MAPK3: variants seen among roughly 807,000 people sequenced by gnomAD.
MAPK3 encodes the protein mitogen-activated protein kinase 3.
Under a neutral mutation model 41.8 loss-of-function variants are expected in MAPK3, and 30 were observed. The observed-to-expected ratio is 0.72, with a 90% CI of 0.54 to 0.97. The LOEUF is 0.97. Among genes scored for constraint, MAPK3 ranks in the 50% least tolerant of loss-of-function variants. The pLI is 0.00. For missense variants in MAPK3, 413 were observed against 509.9 expected, an observed-to-expected ratio of 0.81 and a Z score of 1.83; for synonymous variants, 222 against 213.4, an observed-to-expected ratio of 1.04 and a Z score of -0.35.
At chr16:30,117,113 AC>A in intron 6 of MAPK3, 40 bp downstream of exon 6, 1 of 1,612,230 alleles carries the variant, frequency 6.2e-7, no homozygotes, top group South Asian at 1.1e-5. Flanking sequence ...CCTCCACGAC[AC>A]CCAAGGTTTA....
At chr16:30,117,921 C>T in intron 4 of MAPK3, 126 bp downstream of exon 4, 1 of 1,101,700 alleles carries the variant, frequency 9.1e-7, no homozygotes, top group Non-Finnish European at 1.4e-6. Context: ...GCTCAGCTTC[C>T]TTGCAGAGCC....
At position 30,121,929 on chromosome 16, in the gene MAPK3, T is replaced by C; in HGVS notation, c.248A>G (p.Gln83Arg). Residue 83 changes from glutamine (Q) to arginine (R), a missense_variant, in exon 2 of 9, where the codon CAG (glutamine) becomes CGG (arginine). By Grantham distance (43) the Gln-to-Arg change is conservative. This residue lies in a region of MAPK3 where 145 missense variants were observed against 133.0 expected (regional missense o/e 1.09). Coordinates refer to ENST00000263025, the MANE Select transcript of MAPK3 (RefSeq NM_002746.3). The part of the protein sequence containing the change: ...ISPFEHQTYC[Q>R]RTLREIQILL... ...GATCTGGATCTCCCGGAGCGTGCGC[T>C]GGCAGTAGGTCTGATGTTCGAAGGG... 5.0e-6 allele frequency: 8 copies of C among 1,614,192 alleles called. No individual in the cohort carries two copies. The highest frequency in any genetic ancestry group is 6.8e-6 in the Non-Finnish European group (8 of 1,180,042).
intron 2 of MAPK3, among the ~76,000 whole-genome samples, chr16:30,121,494 G>A (rs931337180): frequency 6.6e-6 from 1 of 152,194 alleles, no homozygotes; most frequent in African/African-American, 2.4e-5. Context: ...AGCAAGAAGT[G>A]ACTGTGGGCA....
At chr16:30,120,748 A>C (rs2073008254) in intron 2 of MAPK3, among the ~76,000 whole-genome samples, 1 of 148,832 alleles carries the variant, frequency 6.7e-6, no homozygotes, top group Non-Finnish European at 1.5e-5. Context: ...CAGTAGCACA[A>C]TCATAGCTCA....
chr16:30,118,237 T>C, intron 3 of MAPK3, 74 bp from the exon 4 acceptor site: 1 of 1,569,204 alleles, frequency 6.4e-7, no homozygotes, highest in Non-Finnish European at 8.8e-7. Flanking sequence ...CCCTTGTCTT[T>C]GCCTCCACTG....
At chr16:30,118,966 A>G (rs1214123725) in intron 2 of MAPK3, among the ~76,000 whole-genome samples, 1 of 151,838 alleles carries the variant, frequency 6.6e-6, no homozygotes, top group Non-Finnish European at 1.5e-5. Flanking sequence ...ACATGGCAAA[A>G]CCCTGTCTCT....
Position 30,116,840 on chromosome 16 carries a change from C to T in MAPK3, c.1018-50G>A, listed in dbSNP as rs376026029. On this transcript the variant is annotated intron_variant, in intron 7 of 8. Transcript: ENST00000263025. The stretch of plus-strand genomic sequence containing the variant: ...TCAGGCCTGGCATGGGGGATGCCTA[C>T]GTGCCCCCCTGCTCCCCTGCCCCCA... 6.1e-5 allele frequency: 98 copies of T among 1,613,256 alleles called. 2 individuals are homozygous for T. In the South Asian group the frequency reaches 9.0e-4, roughly 15 times the overall value.
At position 30,118,343 on chromosome 16, in the gene MAPK3, T is replaced by G; in HGVS notation, c.543+6A>C. On this transcript the variant is annotated splice_donor_region_variant and intron_variant, in intron 3 of 8. Coordinates refer to ENST00000263025, the MANE Select transcript of MAPK3 (RefSeq NM_002746.3). ...GGAGGAGGGGACAGGTGCCCAACCC[T>G]CTGACCTTAAGGTCGCAGGTGGTGT... 1 of 1,609,448 alleles carries G rather than the reference T, an allele frequency of 6.2e-7. No individual in the cohort carries two copies. Among genetic ancestry groups the G allele is most frequent in the Non-Finnish European group, 8.5e-7 (1 of 1,177,316 alleles).
At chr16:30,122,727 T>C in intron 1 of MAPK3, 1 of 288,464 alleles carries the variant, frequency 3.5e-6, no homozygotes. Context: ...CCGAGAGTAC[T>C]CATCCTCTGG....
intron 2 of MAPK3, among the ~76,000 whole-genome samples, chr16:30,120,327 T>G (rs951779915): frequency 5.3e-5 from 8 of 152,018 alleles, no homozygotes; most frequent in Admixed American, 4.6e-4. Context: ...GCACGGAGAT[T>G]TCCTGTCCAC....
At position 30,117,657 on chromosome 16, in the gene MAPK3, G is replaced by A. The variant is rs372282009; in HGVS notation, c.775+13C>T. ...CTAATCATCCCCAACTCAGCCAGCC[G>A]GGCCTCCCTCACCCAGAATGTGGTT... On this transcript the variant is annotated intron_variant, in intron 5 of 8. Transcript: ENST00000263025. 20 of 1,605,970 alleles carry A rather than the reference G, an allele frequency of 1.2e-5. No homozygotes were observed. The highest frequency in any genetic ancestry group is 4.5e-5 in the East Asian group (2 of 44,834).
At chr16:30,120,882 C>G (rs1294042432) in intron 2 of MAPK3, among the ~76,000 whole-genome samples, 2 of 151,768 alleles carry the variant, frequency 1.3e-5, no homozygotes, top group African/African-American at 4.8e-5. Flanking sequence ...TGGGGTCTCA[C>G]TATGCTGCCC....
intron 8 of MAPK3, among the ~76,000 whole-genome samples, chr16:30,116,267 G>A (rs565075149): frequency 1.3e-5 from 2 of 151,536 alleles, no homozygotes; most frequent in African/African-American, 4.9e-5. Flanking sequence ...TCGGACTCCT[G>A]ACCTCAGGTG....
At chr16:30,117,456 C>T (rs184784492) in intron 5 of MAPK3, among the ~76,000 whole-genome samples, 171 bp from the exon 6 acceptor site, 238 of 152,162 alleles carry the variant, frequency 1.6e-3, no homozygotes, top group African/African-American at 5.2e-3. Context: ...TCAGGCAGAC[C>T]GAGGCTCAAA....
At chr16:30,117,364 A>AC (rs1567354747) in intron 5 of MAPK3, 79 bp from the exon 6 acceptor site, 1 of 1,457,230 alleles carries the variant, frequency 6.9e-7, no homozygotes, top group African/African-American at 1.4e-5. Context: ...CAAGAACAAG[A>AC]CCCCCCAGCC....
chr16:30,117,825 C>A, intron 4 of MAPK3, 41 bp from the exon 5 acceptor site: 1 of 1,490,912 alleles, frequency 6.7e-7, no homozygotes, highest in Non-Finnish European at 9.4e-7. Flanking sequence ...GGGCCAGCCT[C>A]AACAGGGTCC....
At chr16:30,115,207 AG>A (rs1567353486) in intron 8 of MAPK3, among the ~76,000 whole-genome samples, 1 of 152,074 alleles carries the variant, frequency 6.6e-6, no homozygotes, top group Non-Finnish European at 1.5e-5. Flanking sequence ...TGACAGAGCG[AG>A]ACACTGTCTC....
intron 1 of MAPK3, 31 bp downstream of exon 1, chr16:30,123,009 G>C: frequency 1.4e-6 from 2 of 1,446,006 alleles, no homozygotes; most frequent in South Asian, 2.8e-5. Context: ...CCTCCCCTGA[G>C]GGCACCCCCT....
intron 2 of MAPK3, among the ~76,000 whole-genome samples, chr16:30,120,284 C>T (rs576145351): frequency 6.6e-6 from 1 of 152,326 alleles, no homozygotes; most frequent in African/African-American, 2.4e-5. Context: ...GACGCAGTGA[C>T]TTGCTTCAGA....
Sources: allele counts gnomAD v4.1 joint callset (sites outside exome capture counted in the v4.1 genomes callset), GRCh38; gene constraint gnomAD v4.1.1; regional missense constraint gnomAD v4.1.1; transcripts MANE v1.5; gene names NCBI Gene and HGNC (gene_info 2026-07-23, HGNC 2026-07-21).